The following OPCML variants were observed in gnomAD, a reference collection of about 807,000 sequenced individuals.
OPCML encodes the protein opioid binding protein/cell adhesion molecule like.
A neutral mutation model predicts 37.8 loss-of-function variants in OPCML; 13 were observed. The observed-to-expected ratio is 0.34, with a 90% CI of 0.22 to 0.55. The LOEUF (loss-of-function observed/expected upper bound fraction) is 0.55. Ranked by LOEUF, OPCML falls within the 20% of genes least tolerant of loss-of-function variation. The pLI is 0.91. For synonymous variants in OPCML, 176 were observed against 168.8 expected (o/e 1.04, Z -0.33); for missense variants, 341 against 435.6 (o/e 0.78, Z 1.93).
intron 3 of OPCML, among the ~76,000 whole-genome samples, chr11:132,560,789 G>T (rs77372837): frequency 6.6e-6 from 1 of 151,848 alleles, no homozygotes; most frequent in Non-Finnish European, 1.5e-5. Flanking sequence ...TTTTTTTCTT[G>T]AGTTCTTTGT....
chr11:133,163,237 A>G (rs1159965703), intron 1 of OPCML, among the ~76,000 whole-genome samples: 1 of 152,232 alleles, frequency 6.6e-6, no homozygotes, highest in Non-Finnish European at 1.5e-5. Context: ...TGGGGGCAGC[A>G]TGTTACACCA....
At chr11:132,632,132 C>CT in intron 3 of OPCML, among the ~76,000 whole-genome samples, 1 of 137,216 alleles carries the variant, frequency 7.3e-6, no homozygotes, top group African/African-American at 2.8e-5. Flanking sequence ...GCAGATCCAG[C>CT]TTAAAAAAAA....
chr11:133,522,429 T>C (rs1948413287), intron 1 of OPCML, among the ~76,000 whole-genome samples: 2 of 152,220 alleles, frequency 1.3e-5, no homozygotes, highest in African/African-American at 4.8e-5. Flanking sequence ...TCCCAGATCA[T>C]TACAAAGGTC....
At chr11:133,115,042 A>G (rs1300628097) in intron 1 of OPCML, among the ~76,000 whole-genome samples, 1 of 152,192 alleles carries the variant, frequency 6.6e-6, no homozygotes, top group East Asian at 1.9e-4. Context: ...TTTTAGTTAA[A>G]TTCTGCTTAT....
intron 4 of OPCML, among the ~76,000 whole-genome samples, chr11:132,480,261 G>A (rs951364104): frequency 2.0e-4 from 31 of 152,264 alleles, no homozygotes; most frequent in African/African-American, 7.2e-4. Flanking sequence ...CTGGTAGAAA[G>A]GATATCAGTG....
At chr11:132,899,156 T>G (rs937641977) in intron 2 of OPCML, among the ~76,000 whole-genome samples, 1 of 152,190 alleles carries the variant, frequency 6.6e-6, no homozygotes, top group Non-Finnish European at 1.5e-5. Flanking sequence ...AGGTGCTTGC[T>G]GCAGGTAAAA....
intron 4 of OPCML, among the ~76,000 whole-genome samples, chr11:132,489,997 A>G (rs970883711): frequency 6.6e-6 from 1 of 152,114 alleles, no homozygotes; most frequent in African/African-American, 2.4e-5. Context: ...AGCTTCATCC[A>G]TGTCCCTGCA....
intron 2 of OPCML, among the ~76,000 whole-genome samples, chr11:132,668,498 T>A (rs1220977411): frequency 6.6e-6 from 1 of 152,160 alleles, no homozygotes; most frequent in Non-Finnish European, 1.5e-5. Context: ...ACAGTGCTAT[T>A]ATGAGGACTG....
At chr11:132,461,256 T>C (rs2096100627) in intron 4 of OPCML, among the ~76,000 whole-genome samples, 1 of 151,880 alleles carries the variant, frequency 6.6e-6, no homozygotes, top group Admixed American at 6.6e-5. Context: ...TGGCAGCTGG[T>C]CACCAGAAAA....
intron 1 of OPCML, among the ~76,000 whole-genome samples, chr11:133,116,218 C>T (rs144551843): frequency 7.2e-5 from 11 of 152,186 alleles, no homozygotes; most frequent in Non-Finnish European, 1.2e-4. Context: ...ACACCCGCCT[C>T]GGCCTCCCAA....
At chr11:132,846,943 G>T (rs928893719) in intron 2 of OPCML, among the ~76,000 whole-genome samples, 1 of 152,206 alleles carries the variant, frequency 6.6e-6, no homozygotes. Flanking sequence ...CCCCCCAGTG[G>T]AGTCTAATTC....
At chr11:132,502,096 T>C (rs145623080) in intron 4 of OPCML, among the ~76,000 whole-genome samples, 4 of 152,318 alleles carry the variant, frequency 2.6e-5, no homozygotes, top group African/African-American at 9.6e-5. Context: ...TCATGTATTA[T>C]AGACATGTTT....
intron 1 of OPCML, chr11:133,439,177 T>C (rs1946305421): frequency 1.8e-6 from 1 of 566,142 alleles, no homozygotes; most frequent in Non-Finnish European, 2.2e-6. Flanking sequence ...GCACCCGAAG[T>C]GGGGCAGTCT....
chr11:133,003,993 C>T (rs537159461), intron 1 of OPCML: 283 of 985,298 alleles, frequency 2.9e-4, no homozygotes, highest in Non-Finnish European at 3.4e-4. Flanking sequence ...CCCTGCACCC[C>T]GAGGAAGTGG....
chr11:133,193,850 T>A (rs528460307), intron 1 of OPCML, among the ~76,000 whole-genome samples: 3 of 152,188 alleles, frequency 2.0e-5, no homozygotes, highest in African/African-American at 7.2e-5. Flanking sequence ...TCAAAGAAAA[T>A]GTAATTTTAA....
Position 133,523,979 on chromosome 11 carries a change from A to G in OPCML, c.61+8285T>C, listed in dbSNP as rs944554712. On this transcript the variant is annotated intron_variant, in intron 1 of 7. Coordinates refer to ENST00000524381, the MANE Select transcript of OPCML (RefSeq NM_001012393.5). ...CCCCTTCCATAGTTTCATGTCGGTC[A>G]TGATTTCACAACTGTCTGGGTGTTT... is the stretch of plus-strand genomic sequence containing the variant. Among the ~76,000 whole-genome samples, 23 of 152,350 alleles carry G rather than the reference A, an allele frequency of 1.5e-4. 1 individual carries two copies. In the East Asian group the frequency reaches 2.5e-3, roughly 17 times the overall value.
intron 1 of OPCML, among the ~76,000 whole-genome samples, chr11:133,203,903 A>G (rs1256000276): frequency 6.6e-6 from 1 of 151,826 alleles, no homozygotes; most frequent in East Asian, 2.0e-4. Context: ...CTAAAAATAC[A>G]GAAAATTAGC....
intron 4 of OPCML, among the ~76,000 whole-genome samples, chr11:132,482,252 C>T (rs1217000310): frequency 6.6e-6 from 1 of 152,092 alleles, no homozygotes; most frequent in Non-Finnish European, 1.5e-5. Flanking sequence ...CCACCTATCC[C>T]ACAGAAATAC....
intron 2 of OPCML, among the ~76,000 whole-genome samples, chr11:132,844,646 T>C (rs1018747437): frequency 1.3e-5 from 2 of 152,188 alleles, no homozygotes; most frequent in African/African-American, 4.8e-5. Context: ...AAGGACCAGA[T>C]AATAAATATT....
Sources: gnomAD v4.1 joint callset for allele counts (sites outside exome capture counted in the v4.1 genomes callset) on GRCh38, gnomAD v4.1.1 for gene constraint, MANE v1.5 for transcripts, NCBI Gene and HGNC (gene_info 2026-07-23, HGNC 2026-07-21) for gene names.